The following KCNIP1 variants were observed in gnomAD, a reference collection of about 807,000 sequenced individuals.
KCNIP1 encodes A-type potassium channel modulatory protein KCNIP1.
Under a neutral mutation model 33.0 loss-of-function variants are expected in KCNIP1, and 18 were observed. The observed-to-expected ratio is 0.55, with a 90% CI of 0.38 to 0.81. KCNIP1 has a LOEUF of 0.81. KCNIP1 is among the 30% of genes least tolerant of loss of function. The pLI is 0.00. For missense variants in KCNIP1, 238 were observed against 271.6 expected, an observed-to-expected ratio of 0.88 and a Z score of 0.87; for synonymous variants, 93 against 98.3, an observed-to-expected ratio of 0.95 and a Z score of 0.32.
chr5:170,429,797 C>T (rs1420985597), intron 1 of KCNIP1, among the ~76,000 whole-genome samples: 1 of 152,162 alleles, frequency 6.6e-6, no homozygotes, highest in Non-Finnish European at 1.5e-5. Flanking sequence ...AGACGCCTCA[C>T]AGAATTTTAA....
chr5:170,714,733 AG>A (rs1393540994), intron 1 of KCNIP1, among the ~76,000 whole-genome samples: 1 of 152,148 alleles, frequency 6.6e-6, no homozygotes, highest in Non-Finnish European at 1.5e-5. Context: ...ATAGAGAAAA[AG>A]CTTATAAAAT....
chr5:170,472,360 C>T (rs1017145171), intron 1 of KCNIP1, among the ~76,000 whole-genome samples: 8 of 152,166 alleles, frequency 5.3e-5, no homozygotes, highest in African/African-American at 9.7e-5. Context: ...CCTGTAGGTC[C>T]GCCCGCCTGG....
At chr5:170,699,563 A>C (rs868434700) in intron 1 of KCNIP1, among the ~76,000 whole-genome samples, 6,107 of 150,786 alleles carry the variant, frequency 0.041, 319 homozygotes, top group African/African-American at 0.11. Flanking sequence ...TGTGAAAAAA[A>C]AAAAAAAAAA....
intron 1 of KCNIP1, chr5:170,484,016 C>T (rs1757030946): frequency 6.6e-6 from 1 of 152,214 alleles, no homozygotes; most frequent in African/African-American, 2.4e-5. Flanking sequence ...TAGACAAGTT[C>T]TCAGGTCCCT....
intron 1 of KCNIP1, among the ~76,000 whole-genome samples, chr5:170,660,385 A>G (rs1761431240): frequency 6.6e-6 from 1 of 150,466 alleles, no homozygotes; most frequent in South Asian, 2.1e-4. Flanking sequence ...AAAAAAAAAA[A>G]ACATTCATTT....
intron 1 of KCNIP1, among the ~76,000 whole-genome samples, chr5:170,534,501 A>AAGGAGG: frequency 8.1e-6 from 1 of 124,078 alleles, no homozygotes. Flanking sequence ...GGAGGAGGAG[A>AAGGAGG]AGGAGGAGAA....
chr5:170,472,942 T>C lies in KCNIP1; in HGVS notation c.88+118978T>C, dbSNP rs538641208. ...AAAGACTTCTTTTCCTCTGGGTAGA[T>C]ACCCAGTAGTGGGATTGCTGGATCA... On this transcript the variant is annotated intron_variant, in intron 1 of 7. Coordinates refer to the KCNIP1 transcript ENST00000377360. 5.9e-5 allele frequency among the ~76,000 whole-genome samples: 9 copies of C among 152,344 alleles called. No homozygotes were observed. The South Asian group carries it at 1.0e-3, about 18-fold the overall frequency.
At chr5:170,495,304 G>C (rs1038919979) in intron 1 of KCNIP1, among the ~76,000 whole-genome samples, 1 of 152,160 alleles carries the variant, frequency 6.6e-6, no homozygotes, top group East Asian at 1.9e-4. Context: ...GGCCTCCCAG[G>C]CTCTAGGAGG....
intron 1 of KCNIP1, among the ~76,000 whole-genome samples, chr5:170,448,698 A>G (rs999804353): frequency 6.6e-6 from 1 of 152,234 alleles, no homozygotes; most frequent in African/African-American, 2.4e-5. Context: ...GTCTGGACCC[A>G]ACAAGGCCTG....
intron 1 of KCNIP1, among the ~76,000 whole-genome samples, chr5:170,704,698 G>A (rs1763199954): frequency 6.6e-6 from 1 of 152,170 alleles, no homozygotes; most frequent in Non-Finnish European, 1.5e-5. Context: ...AGGAATCTAG[G>A]CACTAGCCCT....
At chr5:170,556,727 G>A (rs1756860682) in intron 1 of KCNIP1, among the ~76,000 whole-genome samples, 2 of 152,232 alleles carry the variant, frequency 1.3e-5, no homozygotes, top group South Asian at 4.1e-4. Flanking sequence ...AGCTCATTTT[G>A]TGAATGAGGC....
chr5:170,665,863 T>G (rs1276648302), intron 1 of KCNIP1, among the ~76,000 whole-genome samples: 3 of 152,206 alleles, frequency 2.0e-5, no homozygotes, highest in Non-Finnish European at 4.4e-5. Context: ...ATGATTGCAC[T>G]GGGGTTTGGG....
chr5:170,570,500 A>T (rs1387923394), intron 1 of KCNIP1, among the ~76,000 whole-genome samples: 1 of 151,836 alleles, frequency 6.6e-6, no homozygotes, highest in Non-Finnish European at 1.5e-5. Context: ...TGAAGCTGGG[A>T]TTGTAAACTG....
At chr5:170,730,558 G>C (rs1385323007) in intron 5 of KCNIP1, among the ~76,000 whole-genome samples, 1 of 152,066 alleles carries the variant, frequency 6.6e-6, no homozygotes, top group East Asian at 1.9e-4. Flanking sequence ...GACAGGAAAA[G>C]CATCAATGGC....
intron 1 of KCNIP1, among the ~76,000 whole-genome samples, chr5:170,689,310 A>G (rs1488226491): frequency 6.6e-6 from 1 of 152,200 alleles, no homozygotes; most frequent in South Asian, 2.1e-4. Context: ...TCAGAAAGAG[A>G]GCCTTGCATT....
chr5:170,590,218 C>G (rs1470177602), intron 1 of KCNIP1, among the ~76,000 whole-genome samples: 2 of 152,058 alleles, frequency 1.3e-5, no homozygotes, highest in Non-Finnish European at 2.9e-5. Context: ...GACCTACCCT[C>G]AGAGAGACAG....
chr5:170,722,403 G>A (rs962242016), intron 4 of KCNIP1, among the ~76,000 whole-genome samples: 6 of 152,070 alleles, frequency 3.9e-5, no homozygotes, highest in East Asian at 3.9e-4. Context: ...TAGACCATAC[G>A]GCCACTGGGA....
chr5:170,490,138 G>A (rs538966386), intron 1 of KCNIP1, among the ~76,000 whole-genome samples: 8 of 152,208 alleles, frequency 5.3e-5, no homozygotes, highest in Non-Finnish European at 8.8e-5. Context: ...CATGAGAAGC[G>A]CTGTGTGACC....
intron 1 of KCNIP1, among the ~76,000 whole-genome samples, chr5:170,693,296 G>C (rs1762785167): frequency 6.6e-6 from 1 of 152,108 alleles, no homozygotes. Context: ...GAGCCAGGCT[G>C]ACACCACGTA....
Sources: allele counts gnomAD v4.1 joint callset (sites outside exome capture counted in the v4.1 genomes callset), GRCh38; gene constraint gnomAD v4.1.1; transcripts MANE v1.5; gene names NCBI Gene and HGNC (gene_info 2026-07-23, HGNC 2026-07-21).